SLC9D1: variants seen among roughly 807,000 people sequenced by gnomAD.
SLC9D1 encodes the protein putative LAG1-interacting protein.
the SLC9D1 span, chr13:113,504,206 A>G: frequency 6.6e-6 from 1 of 152,106 alleles, no homozygotes; most frequent in East Asian, 1.9e-4. Context: ...ACAACTGTAC[A>G]CCCTTTCTGT....
chr13:113,507,131 C>T, the SLC9D1 span, among the ~76,000 whole-genome samples: 5 of 152,004 alleles, frequency 3.3e-5, no homozygotes, highest in Admixed American at 2.0e-4. Flanking sequence ...GGTGTCTTGG[C>T]GCTGACGAGG....
At chr13:113,548,147 C>T in the SLC9D1 span, among the ~76,000 whole-genome samples, 2 of 152,220 alleles carry the variant, frequency 1.3e-5, no homozygotes, top group East Asian at 1.9e-4. Flanking sequence ...TTGGTGCCTT[C>T]GGGTGTTTGG....
the SLC9D1 span, among the ~76,000 whole-genome samples, chr13:113,501,298 A>C: frequency 6.6e-6 from 1 of 152,260 alleles, no homozygotes; most frequent in African/African-American, 2.4e-5. Flanking sequence ...AAAAAGACCC[A>C]AGAATAACAA....
the SLC9D1 span, among the ~76,000 whole-genome samples, chr13:113,500,495 A>C: frequency 2.0e-5 from 3 of 152,214 alleles, no homozygotes; most frequent in Non-Finnish European, 2.9e-5. Context: ...TTGGCTAAGG[A>C]GTCATATATG....
At chr13:113,528,207 G>A in the SLC9D1 span, 1 of 152,096 alleles carries the variant, frequency 6.6e-6, no homozygotes, top group African/African-American at 2.4e-5. Flanking sequence ...TATGATGAGC[G>A]ACTTTTCGTT....
chr13:113,539,368 G>T, the SLC9D1 span: 1 of 1,612,670 alleles, frequency 6.2e-7, no homozygotes. This position sits in a 1 kb window ranked among gnomAD's most constrained non-coding sequence, Gnocchi z 4.8. Flanking sequence ...TCACGGAGCT[G>T]CTGGACGTCT....
the SLC9D1 span, chr13:113,549,814 T>C: frequency 5.6e-6 from 1 of 178,710 alleles, no homozygotes; most frequent in Non-Finnish European, 1.2e-5. Context: ...TGGATGTGCC[T>C]TTTTTTTTTT....
the SLC9D1 span, chr13:113,495,796 A>C: frequency 6.2e-7 from 1 of 1,614,178 alleles, no homozygotes; most frequent in South Asian, 1.1e-5. Context: ...AACAAACTGA[A>C]AACTGCAATT....
the SLC9D1 span, among the ~76,000 whole-genome samples, chr13:113,532,551 A>C: frequency 1.3e-5 from 2 of 152,034 alleles, no homozygotes; most frequent in Admixed American, 6.5e-5. Context: ...GATCAGGAGG[A>C]GGCCACTGGA....
the SLC9D1 span, chr13:113,520,483 CAAAA>C: frequency 1.8e-3 from 640 of 365,064 alleles, no homozygotes; most frequent in South Asian, 2.9e-3. Context: ...AACTCCATCT[CAAAA>C]AAAAAAAAAA....
At chr13:113,494,546 C>T in the SLC9D1 span, among the ~76,000 whole-genome samples, 1 of 152,082 alleles carries the variant, frequency 6.6e-6, no homozygotes, top group South Asian at 2.1e-4. Context: ...TGTGCTGTGC[C>T]TTGCCAGGAT....
the SLC9D1 span, chr13:113,510,272 T>C: frequency 6.2e-7 from 1 of 1,614,132 alleles, no homozygotes; most frequent in South Asian, 1.1e-5. Context: ...CCGTGTTACA[T>C]GACACTGTTA....
chr13:113,509,116 G>C, the SLC9D1 span, among the ~76,000 whole-genome samples: 1 of 143,890 alleles, frequency 6.9e-6, no homozygotes, highest in African/African-American at 2.7e-5. Context: ...GTTGGGGCTG[G>C]TGGGCTTGGT....
At chr13:113,517,620 A>T in the SLC9D1 span, among the ~76,000 whole-genome samples, 1 of 152,214 alleles carries the variant, frequency 6.6e-6, no homozygotes, top group African/African-American at 2.4e-5. Context: ...AGCTTTGTGC[A>T]TCAACATGGA....
chr13:113,501,787 TG>T, the SLC9D1 span: 1 of 1,609,528 alleles, frequency 6.2e-7, no homozygotes. Context: ...CCTTGCCTTG[TG>T]GCTGGCTATG....
the SLC9D1 span, chr13:113,524,199 G>A: frequency 6.1e-5 from 28 of 455,744 alleles, no homozygotes; most frequent in Middle Eastern, 3.3e-4. Context: ...GAAGTCCCCC[G>A]TTAGAATTGG....
chr13:113,496,415 A>C, the SLC9D1 span, among the ~76,000 whole-genome samples: 3 of 152,354 alleles, frequency 2.0e-5, no homozygotes, highest in South Asian at 6.2e-4. Flanking sequence ...AGTTCCTTTT[A>C]GTGTGAAGTT....
At chr13:113,534,264 T>C in the SLC9D1 span, 1 of 1,548,656 alleles carries the variant, frequency 6.5e-7, no homozygotes, top group Non-Finnish European at 8.9e-7. Flanking sequence ...TATGTGTTAT[T>C]TATGTAATCT....
chr13:113,496,042 G>A, the SLC9D1 span: 7 of 1,127,592 alleles, frequency 6.2e-6, no homozygotes, highest in African/African-American at 7.8e-5. Context: ...CCTAGAGAGG[G>A]AGAGAGAGAG....
Sources: gnomAD v4.1 joint callset for allele counts (sites outside exome capture counted in the v4.1 genomes callset) on GRCh38, gnomAD v4.1.1 for gene constraint, Gnocchi (gnomAD v3.1) non-coding constraint, MANE v1.5 for transcripts, NCBI Gene and HGNC (gene_info 2026-07-23, HGNC 2026-07-21) for gene names.